The following EPG5 variants were observed in gnomAD, a reference collection of about 807,000 sequenced individuals.
EPG5 encodes the protein ectopic P-granules 5 autophagy tethering factor.
A neutral mutation model predicts 302.7 loss-of-function variants in EPG5; 159 were observed. The observed-to-expected ratio is 0.53, with a 90% confidence interval of 0.46 to 0.60. The LOEUF is 0.60. Ranked by LOEUF, EPG5 falls within the 20% of genes least tolerant of loss-of-function variation. The pLI, the probability that EPG5 is intolerant of heterozygous loss-of-function variation, is 0.00. For missense variants in EPG5, 2,896 were observed against 3,092.4 expected, an observed-to-expected ratio of 0.94 and a Z score of 1.51; for synonymous variants, 1,158 against 1,136.8, an observed-to-expected ratio of 1.02 and a Z score of -0.37.
At chr18:45,837,606 C>T in the EPG5 span, 4 of 1,509,850 alleles carry the variant, frequency 2.6e-6, no homozygotes, top group African/African-American at 4.3e-5. Flanking sequence ...TTCACGCACC[C>T]GCACCGCCAC....
At position 45,967,251 on chromosome 18, in the gene EPG5, C is replaced by CG; in HGVS notation, c.-13dup. 1 of 1,584,574 alleles carries CG rather than the reference C, an allele frequency of 6.3e-7. No individual in the cohort carries two copies. Among genetic ancestry groups the CG allele is most frequent in the South Asian group, 1.1e-5 (1 of 87,122 alleles). Reference sequence around the variant, plus strand: ...ACCGCCTCGGCCATAGACCCTTCCGCGGCGCCGTCACCGTTTGTTTTTGTC... The same window carrying CG: ...ACCGCCTCGGCCATAGACCCTTCCGCGGGCGCCGTCACCGTTTGTTTTTGTC... On this transcript the variant is annotated 5_prime_UTR_variant, in exon 1 of 44. Transcript: ENST00000282041.
intron 21 of EPG5, 59 bp from the exon 22 acceptor site, chr18:45,912,515 C>T (rs1220324215): frequency 2.0e-6 from 3 of 1,494,890 alleles, no homozygotes; most frequent in Non-Finnish European, 1.8e-6. Flanking sequence ...AAACGGTTAA[C>T]TCTTTCTAAG....
chr18:45,925,967 A>G, intron 13 of EPG5, 65 bp from the exon 14 acceptor site: 1 of 1,007,920 alleles, frequency 9.9e-7, no homozygotes, highest in East Asian at 3.3e-5. Flanking sequence ...TTACTACAAT[A>G]TTATATTATT....
chr18:45,887,652 T>G (rs1006906617), intron 29 of EPG5, 99 bp downstream of exon 29: 2 of 1,059,188 alleles, frequency 1.9e-6, no homozygotes, highest in South Asian at 3.2e-5. Context: ...ACTCTGAACC[T>G]GTAATATAAG....
chr18:45,903,275 A>T (rs2049665480), intron 25 of EPG5, among the ~76,000 whole-genome samples: 1 of 152,104 alleles, frequency 6.6e-6, no homozygotes, highest in Non-Finnish European at 1.5e-5. Context: ...TGTTTCAAGA[A>T]AAAGTGCAGG....
the EPG5 span, among the ~76,000 whole-genome samples, chr18:45,803,368 C>A: frequency 1.3e-5 from 2 of 152,136 alleles, no homozygotes; most frequent in Non-Finnish European, 2.9e-5. Context: ...CAAAATCTAT[C>A]TGAAGGCCCT....
intron 34 of EPG5, 140 bp downstream of exon 34, chr18:45,878,236 G>C (rs568802954): frequency 3.2e-6 from 2 of 616,796 alleles, no homozygotes; most frequent in Admixed American, 3.2e-5. Flanking sequence ...CTTAAGTTTT[G>C]AAAAGAAGCC....
At chr18:45,935,939 TC>T in intron 10 of EPG5, among the ~76,000 whole-genome samples, 1 of 152,140 alleles carries the variant, frequency 6.6e-6, no homozygotes, top group Non-Finnish European at 1.5e-5. Flanking sequence ...TTGGACTTCC[TC>T]CTCTGCACTA....
chr18:45,924,274 C>T (rs115102762), intron 14 of EPG5, among the ~76,000 whole-genome samples: 4,707 of 152,282 alleles, frequency 0.031, 214 homozygotes, highest in African/African-American at 0.1. Flanking sequence ...TCTCACGCAG[C>T]TCTTCAAGAG....
rs115462943 is a variant in EPG5, at chr18:45,964,555, T to C, written c.63+2622A>G. On this transcript the variant is annotated intron_variant, in intron 1 of 43. Coordinates refer to ENST00000282041, the MANE Select transcript of EPG5 (RefSeq NM_020964.3). ...TAGGTATGTTTTCTTTTTTTTCCTG[T>C]AGTCTCATCGTTAAGTAGGTTTAGG... 8.8e-3 allele frequency among the ~76,000 whole-genome samples: 1,346 copies of C among 152,322 alleles called. 22 individuals carry two copies. The highest frequency in any genetic ancestry group is 0.031 in the African/African-American group (1,284 of 41,564).
chr18:45,943,373 C>T lies in EPG5; in HGVS notation c.1793-62G>A, dbSNP rs116965477. ...TACTATGAAAAAACATGAACGGATA[C>T]ATCTGTATAAATATTTTAATGAGGA... On this transcript the variant is annotated intron_variant, in intron 8 of 43. Transcript: ENST00000282041. 7,893 of 1,417,516 alleles carry T rather than the reference C, an allele frequency of 5.6e-3. 31 individuals carry two copies. The highest frequency in any genetic ancestry group is 6.2e-3 in the Non-Finnish European group (6,249 of 1,012,056). The allele number at this position is 1,417,516 out of a possible 1,614,324, so 87.8% of individuals were successfully genotyped here.
chr18:45,932,686 T>TA (rs762464240), intron 11 of EPG5, among the ~76,000 whole-genome samples: 78 of 152,198 alleles, frequency 5.1e-4, no homozygotes, highest in Non-Finnish European at 5.6e-4. Context: ...AACAGCAAAT[T>TA]AGAGCAGGAG....
At chr18:45,885,909 T>C (rs1440552684) in intron 29 of EPG5, among the ~76,000 whole-genome samples, 2 of 152,016 alleles carry the variant, frequency 1.3e-5, no homozygotes, top group Admixed American at 6.6e-5. Flanking sequence ...CAAAAGTATA[T>C]ATAAATGGCC....
the EPG5 span, chr18:45,825,606 C>A: frequency 1.1e-6 from 1 of 945,264 alleles, no homozygotes; most frequent in Non-Finnish European, 1.6e-6. Flanking sequence ...CCCACAGGGA[C>A]CTGCAGATCT....
At chr18:45,828,337 A>G in the EPG5 span, among the ~76,000 whole-genome samples, 1 of 151,970 alleles carries the variant, frequency 6.6e-6, no homozygotes, top group African/African-American at 2.4e-5. Flanking sequence ...CATACTCGAC[A>G]CCCAGTGCCC....
At chr18:45,847,376 C>T (rs533032702), downstream of EPG5, among the ~76,000 whole-genome samples, 10 of 152,172 alleles carry the variant, frequency 6.6e-5, no homozygotes, top group East Asian at 1.9e-4. Context: ...CATCACAGAC[C>T]CTCCTGACCT....
chr18:45,865,483 C>A, intron 39 of EPG5, 132 bp downstream of exon 39: 1 of 1,004,246 alleles, frequency 1.0e-6, no homozygotes, highest in Non-Finnish European at 1.5e-6. Flanking sequence ...GGTGTCCAAA[C>A]ACCTCTCTGA....
At chr18:45,845,905 G>A (rs1187162563), downstream of EPG5, among the ~76,000 whole-genome samples, 1 of 152,210 alleles carries the variant, frequency 6.6e-6, no homozygotes. Flanking sequence ...AAAACTAGAT[G>A]TAGCTACGTG....
At chr18:45,883,632 T>TG (rs2049153626) in intron 30 of EPG5, among the ~76,000 whole-genome samples, 1 of 137,774 alleles carries the variant, frequency 7.3e-6, no homozygotes, top group Non-Finnish European at 1.6e-5. Flanking sequence ...TTTTTTTTTT[T>TG]TTTTTTTTTG....
Sources: allele counts gnomAD v4.1 joint callset (sites outside exome capture counted in the v4.1 genomes callset), GRCh38; gene constraint gnomAD v4.1.1; transcripts MANE v1.5; gene names NCBI Gene and HGNC (gene_info 2026-07-23, HGNC 2026-07-21).